Variants in KIAA1217 observed in about 807,000 individuals in gnomAD.
The protein encoded by KIAA1217 is KIAA1217, also known as sickle tail protein homolog.
In KIAA1217, 88 loss-of-function variants were observed where a neutral mutation model predicts 163.9. That is an observed-to-expected ratio of 0.54 (90% CI 0.45 to 0.64). KIAA1217 has a LOEUF of 0.64. KIAA1217 is among the 30% of genes least tolerant of loss of function. The pLI is 0.00. For missense variants in KIAA1217, 2,372 were observed against 2,475.0 expected, an observed-to-expected ratio of 0.96 and a Z score of 0.88; for synonymous variants, 903 against 923.1, an observed-to-expected ratio of 0.98 and a Z score of 0.39.
intron 2 of KIAA1217, among the ~76,000 whole-genome samples, chr10:24,094,661 T>C (rs2062076354): frequency 6.6e-6 from 1 of 152,200 alleles, no homozygotes; most frequent in Non-Finnish European, 1.5e-5. Context: ...GCCTCCCAGT[T>C]AGGCTGCTCG....
chr10:23,969,345 T>C (rs1050143008), intron 1 of KIAA1217, among the ~76,000 whole-genome samples: 2 of 152,238 alleles, frequency 1.3e-5, no homozygotes, highest in Non-Finnish European at 2.9e-5. Flanking sequence ...CGAAACTCTA[T>C]GTTTAACATT....
chr10:24,544,481 GGTAT>G lies in KIAA1217; in HGVS notation c.5211+1_5211+4del. 1 of 1,603,788 alleles carries G rather than the reference GGTAT, an allele frequency of 6.2e-7. No homozygotes were observed. On this transcript the variant is annotated splice_donor_variant and splice_donor_region_variant and intron_variant, in intron 19 of 20. Coordinates refer to ENST00000376454, the MANE Select transcript of KIAA1217 (RefSeq NM_019590.5). LOFTEE classifies it high-confidence loss of function. Reference sequence around the variant, plus strand: ...CGTCGATACCTTCAGCTTCACGTAAGGTATCTTGGTCTGCTGGAAAATGAAAAGA... The same window carrying G: ...CGTCGATACCTTCAGCTTCACGTAAGCTTGGTCTGCTGGAAAATGAAAAGA...
chr10:24,454,999 C>T (rs527244756), intron 5 of KIAA1217, among the ~76,000 whole-genome samples: 1 of 151,714 alleles, frequency 6.6e-6, no homozygotes, highest in African/African-American at 2.4e-5. Context: ...AGCTTGCAAT[C>T]TGAGAGAACC....
chr10:23,743,254 A>AT (rs2130814998), intron 1 of KIAA1217, among the ~76,000 whole-genome samples: 1 of 151,910 alleles, frequency 6.6e-6, no homozygotes, highest in Admixed American at 6.6e-5. Flanking sequence ...AAAAAAAAAA[A>AT]ATCAGTGTTT....
At chr10:24,093,085 C>G (rs777680620) in intron 2 of KIAA1217, among the ~76,000 whole-genome samples, 3 of 151,618 alleles carry the variant, frequency 2.0e-5, no homozygotes, top group Non-Finnish European at 2.9e-5. Flanking sequence ...CTTCGACTTC[C>G]CAGGCTCAAG....
Position 24,101,621 on chromosome 10 carries a change from T to G in KIAA1217, c.-171+94247T>G, listed in dbSNP as rs537719570. Among the ~76,000 whole-genome samples, 88 of 152,350 alleles carry G rather than the reference T, an allele frequency of 5.8e-4. 1 individual carries two copies. The highest frequency in any genetic ancestry group is 2.0e-3 in the African/African-American group (84 of 41,588). ...GAAAGCTATACTCGTCAAGGTATTC[T>G]GAAGAAATTCAATGATTTCGATATA... On this transcript the variant is annotated intron_variant, in intron 2 of 18. Transcript: ENST00000376462.
chr10:24,068,616 G>C (rs567662261), intron 2 of KIAA1217, among the ~76,000 whole-genome samples: 38 of 152,306 alleles, frequency 2.5e-4, no homozygotes, highest in Non-Finnish European at 4.4e-4. Context: ...GAAGATCCTA[G>C]CATGACATCA....
At chr10:24,119,973 T>TCCGTGG (rs1419540356) in intron 2 of KIAA1217, among the ~76,000 whole-genome samples, 2 of 152,186 alleles carry the variant, frequency 1.3e-5, no homozygotes, top group African/African-American at 4.8e-5. Context: ...GAAACCCACT[T>TCCGTGG]CCGTGGAAGT....
At chr10:24,097,868 C>A (rs2131706001) in intron 2 of KIAA1217, among the ~76,000 whole-genome samples, 1 of 152,242 alleles carries the variant, frequency 6.6e-6, no homozygotes, top group East Asian at 1.9e-4. Context: ...TGTGCCAAGG[C>A]CAGGCCACAT....
intron 2 of KIAA1217, among the ~76,000 whole-genome samples, chr10:24,303,606 C>T (rs1371044150): frequency 6.6e-6 from 1 of 152,140 alleles, no homozygotes; most frequent in African/African-American, 2.4e-5. Flanking sequence ...TTCCTGATGT[C>T]ATTTACAGAG....
chr10:24,433,113 G>C lies in KIAA1217; in HGVS notation c.672G>C (p.Met224Ile), dbSNP rs1427342223. The change falls in exon 4 of 21, where the codon ATG becomes ATC. Residue 224 changes from methionine to isoleucine, a missense_variant. Physicochemically the swap from Met to Ile is conservative, Grantham distance 10. Coordinates refer to ENST00000376454, the MANE Select transcript of KIAA1217 (RefSeq NM_019590.5). The part of the protein sequence containing the change: ...FVSAFPQQLT[M>I]KMLESPSVAI... The stretch of plus-strand genomic sequence containing the variant: ...GTGCCTTTCCACAGCAGCTCACCAT[G>C]AAAATGCTGGAATCGCCCAGTGTCG... 1 of 1,614,156 alleles carries C rather than the reference G, an allele frequency of 6.2e-7. No individual in the cohort carries two copies. Among genetic ancestry groups the C allele is most frequent in the Admixed American group, 1.7e-5 (1 of 60,018 alleles).
intron 2 of KIAA1217, among the ~76,000 whole-genome samples, chr10:24,268,035 C>T (rs546540015): frequency 6.6e-6 from 1 of 152,328 alleles, no homozygotes; most frequent in South Asian, 2.1e-4. Flanking sequence ...CAGCTCCTGT[C>T]TCCAGCAGTT....
chr10:23,853,109 C>A (rs1439809526), intron 1 of KIAA1217, among the ~76,000 whole-genome samples: 1 of 152,192 alleles, frequency 6.6e-6, no homozygotes, highest in Non-Finnish European at 1.5e-5. Context: ...AAAGGGAATG[C>A]TTCCACTTTT....
At chr10:24,255,413 G>A (rs545847800) in intron 2 of KIAA1217, 4 of 375,060 alleles carry the variant, frequency 1.1e-5, no homozygotes, top group East Asian at 9.6e-5. Flanking sequence ...TGGAGCGGGC[G>A]GGTCCCGCCA....
intron 1 of KIAA1217, among the ~76,000 whole-genome samples, chr10:23,870,513 G>A (rs554339874): frequency 6.6e-6 from 1 of 152,178 alleles, no homozygotes; most frequent in South Asian, 2.1e-4. Flanking sequence ...GCAACAATAA[G>A]GAATGGTGAC....
chr10:24,426,163 A>G (rs1480695333), intron 3 of KIAA1217, among the ~76,000 whole-genome samples: 1 of 152,202 alleles, frequency 6.6e-6, no homozygotes, highest in Non-Finnish European at 1.5e-5. Flanking sequence ...TGGTATTGCT[A>G]TTCCAAAAGG....
chr10:24,005,577 T>TGGGG (rs1846956953), intron 1 of KIAA1217, among the ~76,000 whole-genome samples: 1 of 152,178 alleles, frequency 6.6e-6, no homozygotes, highest in Non-Finnish European at 1.5e-5. Context: ...GAAAATAATT[T>TGGGG]TAAATCTGGA....
intron 2 of KIAA1217, among the ~76,000 whole-genome samples, chr10:24,128,578 T>A (rs990000380): frequency 1.6e-4 from 25 of 152,208 alleles, no homozygotes; most frequent in Non-Finnish European, 1.0e-4. Flanking sequence ...CCATGGGGAC[T>A]CATTCATCCA....
intron 2 of KIAA1217, among the ~76,000 whole-genome samples, chr10:24,370,577 T>A (rs1342743575): frequency 6.6e-6 from 1 of 152,174 alleles, no homozygotes; most frequent in Non-Finnish European, 1.5e-5. Flanking sequence ...GTATTCTTCA[T>A]GTGGCTTTTG....
Sources: allele counts gnomAD v4.1 joint callset (sites outside exome capture counted in the v4.1 genomes callset), GRCh38; gene constraint gnomAD v4.1.1; transcripts MANE v1.5; gene names NCBI Gene and HGNC (gene_info 2026-07-23, HGNC 2026-07-21).